Variants in GNAL observed in about 807,000 individuals in gnomAD.
The protein encoded by GNAL is guanine nucleotide-binding protein G(olf) subunit alpha.
In GNAL, 18 loss-of-function variants were observed where a neutral mutation model predicts 55.1. The ratio of observed to expected loss-of-function variants is 0.33; its 90% CI spans 0.23 to 0.48. The LOEUF (loss-of-function observed/expected upper bound fraction) is 0.48. Ranked by LOEUF, GNAL falls within the 20% of genes least tolerant of loss-of-function variation. GNAL has a pLI of 0.99. For synonymous variants in GNAL, 253 were observed against 237.0 expected (o/e 1.07, Z -0.62); for missense variants, 412 against 614.1 (o/e 0.67, Z 3.48).
intron 11 of GNAL, among the ~76,000 whole-genome samples, chr18:11,877,713 G>A (rs897097608): frequency 6.6e-6 from 1 of 151,720 alleles, no homozygotes; most frequent in African/African-American, 2.4e-5. Flanking sequence ...ATCCTCGGCT[G>A]TGGGGCCTTT....
chr18:11,878,785 C>CA (rs1274445518), intron 11 of GNAL, among the ~76,000 whole-genome samples: 1 of 152,046 alleles, frequency 6.6e-6, no homozygotes, highest in Non-Finnish European at 1.5e-5. Context: ...CCAGGCTGGT[C>CA]TCGAACTCCT....
In GNAL at chr18:11,832,603, A is replaced by G. The variant is rs1010962901; in HGVS notation, c.722+7588A>G. On this transcript the variant is annotated intron_variant, in intron 5 of 11. Coordinates refer to ENST00000334049, the MANE Select transcript of GNAL (RefSeq NM_182978.4). ...CCTGGCGCGGTGGCTCACACCCGTAATCCCAGCACTTTGGGAGGCCGAGGT... is the reference window on the plus strand; with the variant it reads ...CCTGGCGCGGTGGCTCACACCCGTAGTCCCAGCACTTTGGGAGGCCGAGGT... Among the ~76,000 whole-genome samples, 12 of 152,218 alleles carry G rather than the reference A, an allele frequency of 7.9e-5. 1 individual carries two copies. The highest frequency in any genetic ancestry group is 1.6e-4 in the Non-Finnish European group (11 of 68,038).
At chr18:11,847,992 TC>T (rs2035775460) in intron 5 of GNAL, among the ~76,000 whole-genome samples, 1 of 152,052 alleles carries the variant, frequency 6.6e-6, no homozygotes, top group South Asian at 2.1e-4. Context: ...CAAATCCAAC[TC>T]GAATGACAAG....
At position 11,864,759 on chromosome 18, in the gene GNAL, T is replaced by TGAA. The variant is rs564841687; in HGVS notation, c.851+155_851+157dup. 8.5e-5 allele frequency among the ~76,000 whole-genome samples: 13 copies of TGAA among 152,288 alleles called. No homozygotes were observed. The South Asian group carries it at 2.7e-3, about 32-fold the overall frequency. ...GTGAAATTTGAACTCTAGCAAGAGT[T>TGAA]GAAGTGTTGATTTTACTGCCTACTT... is the stretch of plus-strand genomic sequence containing the variant. On this transcript the variant is annotated intron_variant, in intron 7 of 11. Coordinates refer to ENST00000334049, the MANE Select transcript of GNAL (RefSeq NM_182978.4).
intron 5 of GNAL, among the ~76,000 whole-genome samples, chr18:11,840,897 C>G (rs1305274075): frequency 7.2e-6 from 1 of 138,462 alleles, no homozygotes; most frequent in African/African-American, 2.8e-5. Context: ...TTTTTTGAGA[C>G]ACAGTCTCAC....
At chr18:11,785,859 T>C in intron 4 of GNAL, among the ~76,000 whole-genome samples, 1 of 152,190 alleles carries the variant, frequency 6.6e-6, no homozygotes, top group East Asian at 1.9e-4. Context: ...TGAAGGTCTT[T>C]AAAGGCTTCC....
chr18:11,816,254 A>G (rs1269629645), intron 4 of GNAL, among the ~76,000 whole-genome samples: 2 of 152,124 alleles, frequency 1.3e-5, no homozygotes, highest in African/African-American at 4.8e-5. Context: ...AAAACATGAT[A>G]TATCCATAAA....
At chr18:11,851,993 G>A (rs1256462232) in intron 5 of GNAL, 1 of 1,613,666 alleles carries the variant, frequency 6.2e-7, no homozygotes, top group Non-Finnish European at 8.5e-7. Flanking sequence ...GATGAGGCGG[G>A]CCTCGACCTC....
chr18:11,738,951 T>C (rs1431788294), intron 1 of GNAL, among the ~76,000 whole-genome samples: 1 of 152,196 alleles, frequency 6.6e-6, no homozygotes, highest in Non-Finnish European at 1.5e-5. Context: ...CACTGCTCTT[T>C]GCCGCCCGAC....
intron 5 of GNAL, among the ~76,000 whole-genome samples, chr18:11,856,336 GTC>G (rs2036007835): frequency 6.6e-6 from 1 of 151,380 alleles, no homozygotes; most frequent in Admixed American, 6.6e-5. Flanking sequence ...CATAGTGTCA[GTC>G]TCTGGGCCTG....
chr18:11,787,473 C>CAT (rs2034091485), intron 4 of GNAL, among the ~76,000 whole-genome samples: 1 of 152,182 alleles, frequency 6.6e-6, no homozygotes, highest in South Asian at 2.1e-4. Context: ...TTGCGGAACT[C>CAT]ATATAAGATA....
chr18:11,722,906 G>A (rs1040491591), intron 1 of GNAL, among the ~76,000 whole-genome samples: 1 of 151,972 alleles, frequency 6.6e-6, no homozygotes, highest in African/African-American at 2.4e-5. Flanking sequence ...AGCTACTCGA[G>A]AGGCTGAGGC....
chr18:11,845,769 AAG>A (rs58313183), intron 5 of GNAL, among the ~76,000 whole-genome samples: 51 of 147,380 alleles, frequency 3.5e-4, no homozygotes, highest in East Asian at 6.2e-4. Context: ...AGGAAGAGAA[AAG>A]AGAGAGAGAG....
intron 4 of GNAL, among the ~76,000 whole-genome samples, chr18:11,794,759 TAA>T (rs775143875): frequency 0.012 from 1,047 of 90,314 alleles, 7 homozygotes; most frequent in African/African-American, 0.032. Context: ...ACACACAGGT[TAA>T]AAAAAAAAAA....
At position 11,689,503 on chromosome 18, in the gene GNAL, G is replaced by C; in HGVS notation, c.-61G>C. 1.2e-6 allele frequency: 1 copy of C among 837,646 alleles called. No homozygotes were observed. The highest frequency in any genetic ancestry group is 1.6e-6 in the Non-Finnish European group (1 of 631,158). 51.9% of individuals were successfully genotyped at this position (837,646 alleles called of 1,614,324 possible). A position where few individuals can be genotyped will look rare whatever the true frequency, so the allele number is the denominator to read the frequency against. Reference sequence around the variant, plus strand: ...GGCCTGAACTGGGCGCGGGAACCAGGCCGCCCTCGGCGCCCAGCCTGCCCT... The same window carrying C: ...GGCCTGAACTGGGCGCGGGAACCAGCCCGCCCTCGGCGCCCAGCCTGCCCT... On this transcript the variant is annotated 5_prime_UTR_variant, in exon 1 of 12. Transcript: ENST00000334049.
intron 5 of GNAL, among the ~76,000 whole-genome samples, chr18:11,827,389 G>T (rs140781213): frequency 0.01 from 1,526 of 152,236 alleles, 12 homozygotes; most frequent in Non-Finnish European, 0.015. Flanking sequence ...GAGGAGGGTG[G>T]ATCACCTGAG....
At chr18:11,857,537 CATGAGAA>C in intron 5 of GNAL, 1 of 985,328 alleles carries the variant, frequency 1.0e-6, no homozygotes, top group Non-Finnish European at 1.2e-6. Context: ...GCGCAGGAGT[CATGAGAA>C]ATGATGGTTC....
chr18:11,859,161 C>G (rs2036073475), intron 5 of GNAL, among the ~76,000 whole-genome samples: 1 of 152,198 alleles, frequency 6.6e-6, no homozygotes, highest in South Asian at 2.1e-4. Context: ...TTCCTTCCAG[C>G]TCTTTTCATC....
rs1399273019 is a variant in GNAL at position 11,873,844 on chromosome 18, G to A, written c.1162+1446G>A. Reference sequence around the variant, plus strand: ...GTCACTCAGCTCAGGCAGTGGCTCGGCGGCCGGGGGGTCCTTCCAACAGGG... The same window carrying A: ...GTCACTCAGCTCAGGCAGTGGCTCGACGGCCGGGGGGTCCTTCCAACAGGG... On this transcript the variant is annotated intron_variant, in intron 10 of 11. Coordinates refer to ENST00000334049, the MANE Select transcript of GNAL (RefSeq NM_182978.4). 3.3e-5 allele frequency among the ~76,000 whole-genome samples: 5 copies of A among 150,660 alleles called. No homozygotes were observed. In the East Asian group the frequency reaches 5.8e-4, roughly 17 times the overall value.
Sources: gnomAD v4.1 joint callset for allele counts (sites outside exome capture counted in the v4.1 genomes callset) on GRCh38, gnomAD v4.1.1 for gene constraint, MANE v1.5 for transcripts, NCBI Gene and HGNC (gene_info 2026-07-23, HGNC 2026-07-21) for gene names.